Variants in RBM44 observed in about 807,000 individuals in gnomAD.
RBM44 encodes the protein RNA binding motif protein 44.
RBM44 carries 66 observed loss-of-function variants against 105.1 expected under a neutral mutation model. The ratio of observed to expected loss-of-function variants is 0.63; its 90% CI spans 0.52 to 0.77. RBM44 has a LOEUF of 0.77. Ranked by LOEUF, RBM44 falls within the 30% of genes least tolerant of loss-of-function variation. The probability of loss-of-function intolerance (pLI) is 0.00; values close to 1 mark genes in which losing one functional copy is unlikely to be tolerated. For missense variants in RBM44, 1,122 were observed against 1,207.8 expected (o/e 0.93, Z 1.05); for synonymous variants, 365 against 417.6 (o/e 0.87, Z 1.54).
rs1286905283 is a variant in RBM44 at position 237,829,313 on chromosome 2, G to T, written c.2697G>T (p.Trp899Cys). 6.2e-7 allele frequency: 1 copy of T among 1,613,160 alleles called. No homozygotes were observed. Among genetic ancestry groups the T allele is most frequent in the East Asian group, 2.2e-5 (1 of 44,868 alleles). ...IEINGKSVNV[W>C]PVKILGEYTS... is the part of the protein sequence containing the mutation. ...TAAATGGAAAGTCAGTAAATGTGTGGCCTGTTAAAATTCTTGGAGAATATA... is the reference window on the plus strand; with the variant it reads ...TAAATGGAAAGTCAGTAAATGTGTGTCCTGTTAAAATTCTTGGAGAATATA... Residue 899 changes from tryptophan (W) to cysteine (C), a missense_variant, in exon 13 of 16, where the codon TGG becomes TGT. This residue lies in a region of RBM44 where 194 missense variants were observed against 225.5 expected (regional missense o/e 0.86). Transcript: ENST00000316997.
intron 12 of RBM44, among the ~76,000 whole-genome samples, chr2:237,828,678 C>T (rs2061873591): frequency 6.6e-6 from 1 of 152,026 alleles, no homozygotes; most frequent in Non-Finnish European, 1.5e-5. Flanking sequence ...ATAGGAATAG[C>T]TATTGCCCAA....
intron 15 of RBM44, among the ~76,000 whole-genome samples, chr2:237,836,709 G>A (rs2061962677): frequency 6.6e-6 from 1 of 151,648 alleles, no homozygotes; most frequent in Non-Finnish European, 1.5e-5. Context: ...GAACCTGGGA[G>A]GCAGAGGTTG....
Position 237,818,942 on chromosome 2 carries a change from A to G in RBM44, c.1719A>G (p.Leu573=). ...ELRKACGITD[L]KKHPEREFQL... is the part of the protein sequence containing the mutation. ...GAAAAGCATGTGGTATCACAGACCT[A>G]AAGAAACATCCTGAGAGGTACATCA... is the stretch of plus-strand genomic sequence containing the variant. Residue 573 remains leucine (L), a synonymous_variant, in exon 4 of 16, where the codon CTA becomes CTG. Transcript: ENST00000316997. This position sits in a 1 kb window ranked among gnomAD's most constrained non-coding sequence, Gnocchi z 4.6. 1 of 1,478,204 alleles carries G rather than the reference A, an allele frequency of 6.8e-7. No homozygotes were observed. Among genetic ancestry groups the G allele is most frequent in the South Asian group, 1.3e-5 (1 of 78,852 alleles). 91.6% of individuals were successfully genotyped at this position (1,478,204 alleles called of 1,614,324 possible).
In RBM44 at chr2:237,825,316, G is replaced by A. The variant is rs529205153; in HGVS notation, c.2449+897G>A. ...GGCTCATTGCAACCCTTCACCTCCC[G>A]GGTTCAAGTGATTCTCCTGCCTCAG... On this transcript the variant is annotated intron_variant, in intron 10 of 15. Transcript: ENST00000316997. Among the ~76,000 whole-genome samples, 8 of 151,804 alleles carry A rather than the reference G, an allele frequency of 5.3e-5. No homozygotes were observed. In the South Asian group the frequency reaches 8.3e-4, roughly 16 times the overall value.
chr2:237,830,994 T>G (rs1441294117), intron 13 of RBM44, among the ~76,000 whole-genome samples: 1 of 152,126 alleles, frequency 6.6e-6, no homozygotes, highest in East Asian at 1.9e-4. Context: ...GAATAAATAC[T>G]TGTTGAATAA....
At chr2:237,805,988 TAAAAC>T (rs1355636523) in intron 1 of RBM44, among the ~76,000 whole-genome samples, 2 of 151,956 alleles carry the variant, frequency 1.3e-5, no homozygotes, top group Non-Finnish European at 2.9e-5. Context: ...TCAAAAAAAT[TAAAAC>T]AACAACAACA....
intron 9 of RBM44, among the ~76,000 whole-genome samples, chr2:237,823,831 G>T (rs1017072786): frequency 2.0e-5 from 3 of 151,994 alleles, no homozygotes; most frequent in Non-Finnish European, 4.4e-5. Flanking sequence ...TTGTATCTCT[G>T]TAAATTGTGT....
chr2:237,829,636 T>C, intron 13 of RBM44, 134 bp downstream of exon 13: 1 of 788,922 alleles, frequency 1.3e-6, no homozygotes, highest in South Asian at 2.0e-5. Context: ...TTTTCAACCT[T>C]GAATCCACCT....
chr2:237,804,058 CAG>C (rs1371998468), intron 1 of RBM44, among the ~76,000 whole-genome samples: 1 of 151,986 alleles, frequency 6.6e-6, no homozygotes, highest in African/African-American at 2.4e-5. Context: ...TTAGTAGAGA[CAG>C]GGTTTCACCA....
At chr2:237,840,558 C>CA (rs1490924262) in intron 15 of RBM44, among the ~76,000 whole-genome samples, 3 of 151,940 alleles carry the variant, frequency 2.0e-5, no homozygotes, top group Non-Finnish European at 2.9e-5. Flanking sequence ...GCAATTACAA[C>CA]AAAAAAATTG....
rs541298276 is a variant in RBM44, at chr2:237,826,676, T to C, written c.2450-574T>C. On this transcript the variant is annotated intron_variant, in intron 10 of 15. Transcript: ENST00000316997. ...TGTCCACTGTTCTAGATAGCACTTCTCTGAACCAAAGACAAAGACAATCAA... is the reference window on the plus strand; with the variant it reads ...TGTCCACTGTTCTAGATAGCACTTCCCTGAACCAAAGACAAAGACAATCAA... Among the ~76,000 whole-genome samples the C allele has an allele frequency of 1.7e-4, 26 of 152,314 alleles. No homozygotes were observed. In the South Asian group the frequency reaches 5.2e-3, roughly 30 times the overall value.
At position 237,818,772 on chromosome 2, in the gene RBM44, A is replaced by T; in HGVS notation, c.1678-129A>T. On this transcript the variant is annotated intron_variant, in intron 3 of 15. Coordinates refer to ENST00000316997, the MANE Select transcript of RBM44 (RefSeq NM_001080504.3). This position sits in a 1 kb window ranked among gnomAD's most constrained non-coding sequence, Gnocchi z 4.6. Reference sequence around the variant, plus strand: ...ATTAAAAAAAAAAGACGTGTAAATTACCACCAGTTCTATCCTCCTCTCCTG... The same window carrying T: ...ATTAAAAAAAAAAGACGTGTAAATTTCCACCAGTTCTATCCTCCTCTCCTG... The T allele has an allele frequency of 1.5e-6, 1 of 648,554 alleles. No homozygotes were observed. Among genetic ancestry groups the T allele is most frequent in the Non-Finnish European group, 2.6e-6 (1 of 391,298 alleles). 40.2% of individuals were successfully genotyped at this position (648,554 alleles called of 1,614,324 possible). A position where few individuals can be genotyped will look rare whatever the true frequency, so the allele number is the denominator to read the frequency against.
At chr2:237,821,278 A>G (rs1190074243) in intron 6 of RBM44, 24 bp downstream of exon 6, 1 of 1,556,904 alleles carries the variant, frequency 6.4e-7, no homozygotes, top group African/African-American at 1.4e-5. Flanking sequence ...TTTTAGAAAT[A>G]AAAAATTTTA....
rs1444108826 is a variant in RBM44, at chr2:237,821,273, G to A, written c.2097+19G>A. 1 of 1,561,264 alleles carries A rather than the reference G, an allele frequency of 6.4e-7. No individual in the cohort carries two copies. The highest frequency in any genetic ancestry group is 1.2e-5 in the South Asian group (1 of 83,392). On this transcript the variant is annotated intron_variant, in intron 6 of 15. Transcript: ENST00000316997. Reference sequence around the variant, plus strand: ...TTCCAGGGTATGTATATATGTTTTAGAAATAAAAAATTTTACTTCATTTAG... The same window carrying A: ...TTCCAGGGTATGTATATATGTTTTAAAAATAAAAAATTTTACTTCATTTAG...
chr2:237,827,507 T>C lies in RBM44; in HGVS notation c.2600+4T>C. On this transcript the variant is annotated splice_donor_region_variant and intron_variant, in intron 12 of 15. Transcript: ENST00000316997. The stretch of plus-strand genomic sequence containing the variant: ...TTTATGATTCTACTAATTACAGGTG[T>C]GTTTCCCAACTTTAATCAATGTGCA... 6.9e-7 allele frequency: 1 copy of C among 1,456,188 alleles called. No homozygotes were observed. The highest frequency in any genetic ancestry group is 9.4e-7 in the Non-Finnish European group (1 of 1,064,916). 90.2% of individuals were successfully genotyped at this position (1,456,188 alleles called of 1,614,324 possible).
chr2:237,823,065 C>G (rs1486597740), intron 8 of RBM44, among the ~76,000 whole-genome samples: 1 of 151,460 alleles, frequency 6.6e-6, no homozygotes, highest in East Asian at 1.9e-4. Context: ...TAAGCATACG[C>G]TAAATTAAAT....
At chr2:237,832,935 T>C (rs929878766) in intron 13 of RBM44, among the ~76,000 whole-genome samples, 5 of 152,192 alleles carry the variant, frequency 3.3e-5, no homozygotes, top group Non-Finnish European at 5.9e-5. Flanking sequence ...TGAGCTTAAA[T>C]AAGCTTAATA....
At chr2:237,802,918 A>G (rs561558849) in intron 1 of RBM44, among the ~76,000 whole-genome samples, 2 of 152,242 alleles carry the variant, frequency 1.3e-5, no homozygotes, top group African/African-American at 4.8e-5. Flanking sequence ...CAAGCAATGT[A>G]TAAGAATTCT....
chr2:237,805,862 G>A (rs2061594311), intron 1 of RBM44, among the ~76,000 whole-genome samples: 1 of 152,100 alleles, frequency 6.6e-6, no homozygotes, highest in Non-Finnish European at 1.5e-5. Context: ...CTACTCAAGG[G>A]GGTAGGTGGG....
Sources: gnomAD v4.1 joint callset for allele counts (sites outside exome capture counted in the v4.1 genomes callset) on GRCh38, gnomAD v4.1.1 for gene constraint, gnomAD v4.1.1 regional missense constraint, Gnocchi (gnomAD v3.1) non-coding constraint, MANE v1.5 for transcripts, NCBI Gene and HGNC (gene_info 2026-07-23, HGNC 2026-07-21) for gene names.